Variants in GDPD4 observed in about 807,000 individuals in gnomAD.
GDPD4 encodes the protein glycerophosphodiester phosphodiesterase 6.
A neutral mutation model predicts 67.8 loss-of-function variants in GDPD4; 60 were observed. That is an observed-to-expected ratio of 0.88 (90% CI 0.72 to 1.10). The LOEUF (loss-of-function observed/expected upper bound fraction) is 1.10, where lower values mean the gene tolerates loss of function less well. Among genes scored for constraint, GDPD4 ranks in the 50% least tolerant of loss-of-function variants. GDPD4 has a pLI of 0.00. For synonymous variants in GDPD4, 212 were observed against 210.9 expected (o/e 1.00, Z -0.04); for missense variants, 623 against 613.9 (o/e 1.01, Z -0.16).
rs1236088238 is a variant in GDPD4, at chr11:77,296,826, G to A, written c.-254+4779C>T. On this transcript the variant is annotated intron_variant, in intron 1 of 16. Coordinates refer to ENST00000315938, the MANE Select transcript of GDPD4 (RefSeq NM_182833.3). ...TGTAGTCCTAGCACTTTGGGAGGCC[G>A]AGGCGGGCAGATCACAAGGTCAGGA... is the stretch of plus-strand genomic sequence containing the variant. Among the ~76,000 whole-genome samples, 6 of 151,450 alleles carry A rather than the reference G, an allele frequency of 4.0e-5. No homozygotes were observed. The East Asian group carries it at 9.9e-4, about 25-fold the overall frequency.
At chr11:77,228,269 C>CG (rs1958381353) in intron 15 of GDPD4, among the ~76,000 whole-genome samples, 1 of 151,820 alleles carries the variant, frequency 6.6e-6, no homozygotes, top group Non-Finnish European at 1.5e-5. Flanking sequence ...GAGGCCGAGG[C>CG]GGGCAGATCA....
intron 14 of GDPD4, among the ~76,000 whole-genome samples, chr11:77,230,521 A>G (rs1389492274): frequency 6.6e-6 from 1 of 152,212 alleles, no homozygotes; most frequent in East Asian, 1.9e-4. Flanking sequence ...TTGCTCATTC[A>G]GATTGATTGT....
intron 10 of GDPD4, among the ~76,000 whole-genome samples, chr11:77,264,756 T>A (rs1959170628): frequency 6.6e-6 from 1 of 152,018 alleles, no homozygotes; most frequent in African/African-American, 2.4e-5. Context: ...AGAAAGGCAA[T>A]GTTGGAGTTC....
At chr11:77,271,674 A>G (rs1959229804) in intron 5 of GDPD4, among the ~76,000 whole-genome samples, 1 of 152,222 alleles carries the variant, frequency 6.6e-6, no homozygotes, top group Non-Finnish European at 1.5e-5. Flanking sequence ...CTCCAGCCTC[A>G]GCTGGGTCCT....
intron 16 of GDPD4, among the ~76,000 whole-genome samples, chr11:77,221,099 T>C (rs555090504): frequency 1.3e-3 from 56 of 44,762 alleles, no homozygotes; most frequent in African/African-American, 3.2e-3. Flanking sequence ...AGTGGTGATA[T>C]CCCCTTTAGC....
At chr11:77,278,129 A>G (rs1591571352) in intron 4 of GDPD4, among the ~76,000 whole-genome samples, 3 of 152,100 alleles carry the variant, frequency 2.0e-5, no homozygotes, top group African/African-American at 4.8e-5. Flanking sequence ...GTTCTTTTAC[A>G]TTTGCTGAGG....
At chr11:77,282,491 A>G (rs1051268329) in intron 3 of GDPD4, among the ~76,000 whole-genome samples, 5 of 152,054 alleles carry the variant, frequency 3.3e-5, no homozygotes, top group Admixed American at 6.6e-5. Context: ...TGTCTCCACA[A>G]AAAAATATAA....
At chr11:77,276,636 CTT>C (rs1959482762) in intron 4 of GDPD4, among the ~76,000 whole-genome samples, 1 of 152,142 alleles carries the variant, frequency 6.6e-6, no homozygotes, top group African/African-American at 2.4e-5. Context: ...TCCAAGGACT[CTT>C]GTTTTGGGGA....
rs71043563 is a variant in GDPD4 at position 77,257,552 on chromosome 11, T to TACACACACAC, written c.864+824_864+833dup. 2.9e-3 allele frequency among the ~76,000 whole-genome samples: 395 copies of TACACACACAC among 134,336 alleles called. 2 individuals carry two copies. The highest frequency in any genetic ancestry group is 3.3e-3 in the African/African-American group (118 of 36,240). The allele number at this position is 134,336 out of a possible 152,430, so 88.1% of individuals were successfully genotyped here. On this transcript the variant is annotated intron_variant, in intron 11 of 16. Coordinates refer to ENST00000315938, the MANE Select transcript of GDPD4 (RefSeq NM_182833.3). ...TTCCTCTATCCCTCCCTCCCTCTCC[T>TACACACACAC]ACACACACACACACACACACACACA...
chr11:77,222,287 T>C (rs958764171), intron 16 of GDPD4, among the ~76,000 whole-genome samples: 42 of 152,244 alleles, frequency 2.8e-4, no homozygotes, highest in African/African-American at 9.9e-4. Flanking sequence ...GTTATTTTGC[T>C]TGTTAGTTGA....
rs60804374 is a variant in GDPD4 at position 77,297,467 on chromosome 11, C to T, written c.-254+4138G>A. On this transcript the variant is annotated intron_variant, in intron 1 of 16. Coordinates refer to ENST00000315938, the MANE Select transcript of GDPD4 (RefSeq NM_182833.3). ...AGGAGAATGGCGTGAACCCGGGAGG[C>T]GGAGCTTGCAGTGAGCCGAGATCCC... 6.0e-3 allele frequency among the ~76,000 whole-genome samples: 884 copies of T among 147,784 alleles called. 11 individuals are homozygous for T. The highest frequency in any genetic ancestry group is 0.021 in the African/African-American group (842 of 39,946).
chr11:77,298,052 AAGAC>A (rs1015317240), intron 1 of GDPD4, among the ~76,000 whole-genome samples: 1 of 152,146 alleles, frequency 6.6e-6, no homozygotes, highest in Non-Finnish European at 1.5e-5. Flanking sequence ...GGAGCTGAAA[AAGAC>A]AGGGAAAATA....
At chr11:77,230,221 G>T (rs1958427292) in intron 14 of GDPD4, among the ~76,000 whole-genome samples, 1 of 152,064 alleles carries the variant, frequency 6.6e-6, no homozygotes, top group Admixed American at 6.6e-5. Context: ...TTGGCTGATT[G>T]CTCCAAGAGG....
chr11:77,235,294 A>G (rs1254681238), intron 13 of GDPD4, among the ~76,000 whole-genome samples: 1 of 152,084 alleles, frequency 6.6e-6, no homozygotes, highest in Non-Finnish European at 1.5e-5. Context: ...TGTAAGTTTG[A>G]TGCAGCAAGG....
intron 3 of GDPD4, among the ~76,000 whole-genome samples, chr11:77,282,301 A>G (rs1441739113): frequency 1.3e-5 from 2 of 152,098 alleles, no homozygotes; most frequent in Non-Finnish European, 2.9e-5. Flanking sequence ...CCAATTTAAT[A>G]GAGGGAAAAA....
chr11:77,222,887 T>C (rs542724569), intron 16 of GDPD4, among the ~76,000 whole-genome samples: 27 of 152,344 alleles, frequency 1.8e-4, no homozygotes, highest in African/African-American at 5.8e-4. Flanking sequence ...GTAGATTTGG[T>C]CTTTTCACGT....
chr11:77,269,201 ACTTT>A, intron 8 of GDPD4, 132 bp from the exon 9 acceptor site: 1 of 720,704 alleles, frequency 1.4e-6, no homozygotes, highest in East Asian at 2.7e-5. Flanking sequence ...TGGCTAATTT[ACTTT>A]CTATTTCTGT....
chr11:77,256,231 G>A (rs1020141909), intron 11 of GDPD4, among the ~76,000 whole-genome samples: 3 of 152,126 alleles, frequency 2.0e-5, no homozygotes, highest in African/African-American at 7.2e-5. Context: ...TACAATAATA[G>A]GCTTTTCATC....
chr11:77,229,629 G>T (rs1958417168), intron 14 of GDPD4, among the ~76,000 whole-genome samples: 1 of 152,156 alleles, frequency 6.6e-6, no homozygotes, highest in African/African-American at 2.4e-5. Flanking sequence ...AAGTCTCCCG[G>T]GGCAGCTTTT....
Sources: allele counts gnomAD v4.1 joint callset (sites outside exome capture counted in the v4.1 genomes callset), GRCh38; gene constraint gnomAD v4.1.1; transcripts MANE v1.5; gene names NCBI Gene and HGNC (gene_info 2026-07-23, HGNC 2026-07-21).